The following NXPH1 variants were observed in gnomAD, a reference collection of about 807,000 sequenced individuals.
NXPH1 encodes neurexophilin 1, also known as neurexophilin-1.
In NXPH1, 5 loss-of-function variants were observed where a neutral mutation model predicts 23.7. The observed-to-expected ratio is 0.21, with a 90% CI of 0.11 to 0.44. The LOEUF (loss-of-function observed/expected upper bound fraction) is 0.44. NXPH1 is among the 20% of genes least tolerant of loss of function. The probability of loss-of-function intolerance (pLI) is 0.99; values close to 1 mark genes in which losing one functional copy is unlikely to be tolerated. For missense variants in NXPH1, 324 were observed against 321.6 expected (o/e 1.01, Z -0.06); for synonymous variants, 144 against 122.2 (o/e 1.18, Z -1.18).
intron 2 of NXPH1, among the ~76,000 whole-genome samples, chr7:8,478,076 CA>C (rs559689358): frequency 9.9e-5 from 15 of 152,152 alleles, no homozygotes; most frequent in African/African-American, 3.1e-4. Flanking sequence ...TGCATGATGA[CA>C]AGGAGACATT....
chr7:8,635,950 C>A (rs984926493), intron 2 of NXPH1, among the ~76,000 whole-genome samples: 1 of 152,084 alleles, frequency 6.6e-6, no homozygotes, highest in African/African-American at 2.4e-5. Flanking sequence ...GAGAAAGAAT[C>A]CAGGAAATAT....
rs142018413 is a variant in NXPH1, at chr7:8,482,550, C to T, written c.54+46783C>T. Among the ~76,000 whole-genome samples, 226 of 152,244 alleles carry T rather than the reference C, an allele frequency of 1.5e-3. 1 individual carries two copies. The highest frequency in any genetic ancestry group is 5.2e-3 in the African/African-American group (218 of 41,552). On this transcript the variant is annotated intron_variant, in intron 2 of 2. Coordinates refer to ENST00000405863, the MANE Select transcript of NXPH1 (RefSeq NM_152745.3). ...AGGATTCAAGTCTCAGCATTTCAACCTTTTTCTCTCTCTGGACTGTTCTCT... is the reference window on the plus strand; with the variant it reads ...AGGATTCAAGTCTCAGCATTTCAACTTTTTTCTCTCTCTGGACTGTTCTCT...
intron 2 of NXPH1, among the ~76,000 whole-genome samples, chr7:8,696,533 T>C (rs192381025): frequency 2.9e-4 from 44 of 152,250 alleles, no homozygotes; most frequent in Non-Finnish European, 5.9e-5. Flanking sequence ...TCTCTGGGGA[T>C]ATAACTTTTT....
chr7:8,498,422 T>C (rs1002349214), intron 2 of NXPH1, among the ~76,000 whole-genome samples: 31 of 152,150 alleles, frequency 2.0e-4, no homozygotes, highest in Middle Eastern at 3.4e-3. Flanking sequence ...TGACTACTGG[T>C]TTATCAGTCC....
intron 2 of NXPH1, among the ~76,000 whole-genome samples, chr7:8,525,441 A>G (rs913523525): frequency 6.6e-6 from 1 of 152,176 alleles, no homozygotes; most frequent in African/African-American, 2.4e-5. Context: ...ATGAGGAGAA[A>G]TTCAAGCTGG....
intron 2 of NXPH1, among the ~76,000 whole-genome samples, chr7:8,633,443 G>C (rs186560983): frequency 1.3e-5 from 2 of 152,308 alleles, no homozygotes; most frequent in African/African-American, 2.4e-5. Flanking sequence ...CCTTGTTGAT[G>C]ATCTCACAAT....
intron 2 of NXPH1, among the ~76,000 whole-genome samples, chr7:8,743,174 G>C (rs1184675307): frequency 6.6e-6 from 1 of 151,882 alleles, no homozygotes; most frequent in Non-Finnish European, 1.5e-5. Flanking sequence ...AATGTTGCTT[G>C]AGCAATAGTT....
intron 2 of NXPH1, among the ~76,000 whole-genome samples, chr7:8,472,310 C>A (rs1018553158): frequency 5.3e-5 from 8 of 152,128 alleles, no homozygotes; most frequent in African/African-American, 1.9e-4. Flanking sequence ...CTCTAAGGCC[C>A]TTCTAAAATT....
At chr7:8,473,431 T>C (rs755439370) in intron 2 of NXPH1, among the ~76,000 whole-genome samples, 5 of 152,150 alleles carry the variant, frequency 3.3e-5, no homozygotes, top group Non-Finnish European at 5.9e-5. Context: ...TCAGCTGACA[T>C]TGCTAAGCTC....
intron 2 of NXPH1, among the ~76,000 whole-genome samples, chr7:8,507,550 CCTT>C (rs2128613439): frequency 6.6e-6 from 1 of 152,196 alleles, no homozygotes; most frequent in Non-Finnish European, 1.5e-5. Context: ...TAACATGAAT[CCTT>C]CTAGTAGTTC....
intron 2 of NXPH1, among the ~76,000 whole-genome samples, chr7:8,623,676 G>T (rs997677543): frequency 6.6e-6 from 1 of 151,892 alleles, no homozygotes; most frequent in Admixed American, 6.6e-5. Flanking sequence ...GTAAGAAAAA[G>T]TTCTTATTTT....
Position 8,501,925 on chromosome 7 carries a change from T to A in NXPH1, c.54+66158T>A, listed in dbSNP as rs182407618. 1.7e-3 allele frequency among the ~76,000 whole-genome samples: 257 copies of A among 152,190 alleles called. 2 individuals carry two copies. Among genetic ancestry groups the A allele is most frequent in the African/African-American group, 5.8e-3 (242 of 41,554 alleles). On this transcript the variant is annotated intron_variant, in intron 2 of 2. Transcript: ENST00000405863. ...CCCATCCAGTGGCCTACACAGATAT[T>A]CGAAAGTTGTCTTGGAATATTATAC...
intron 2 of NXPH1, among the ~76,000 whole-genome samples, chr7:8,747,022 G>A (rs557750787): frequency 2.0e-5 from 3 of 152,260 alleles, no homozygotes; most frequent in African/African-American, 7.2e-5. Flanking sequence ...GATGACAACA[G>A]CTAAGACGAC....
intron 2 of NXPH1, among the ~76,000 whole-genome samples, chr7:8,720,150 A>G (rs990436398): frequency 1.2e-4 from 9 of 72,086 alleles, no homozygotes; most frequent in African/African-American, 7.3e-4. Context: ...CTACTTGGTT[A>G]AGTGTCCATT....
intron 2 of NXPH1, among the ~76,000 whole-genome samples, chr7:8,750,791 C>T (rs1391891197): frequency 1.3e-5 from 2 of 151,948 alleles, no homozygotes; most frequent in Non-Finnish European, 2.9e-5. Flanking sequence ...AAAATATTGG[C>T]CAGATGCTGA....
chr7:8,625,750 G>A (rs1333047279), intron 2 of NXPH1, among the ~76,000 whole-genome samples: 1 of 152,088 alleles, frequency 6.6e-6, no homozygotes, highest in African/African-American at 2.4e-5. Context: ...GAGATAAAGA[G>A]TCTGAAATCC....
At chr7:8,470,020 T>G (rs1238039343) in intron 2 of NXPH1, among the ~76,000 whole-genome samples, 7 of 152,282 alleles carry the variant, frequency 4.6e-5, no homozygotes, top group South Asian at 2.1e-4. Flanking sequence ...ATCTTAACAT[T>G]GCATACATTA....
Position 8,751,190 on chromosome 7 carries a change from A to T in NXPH1, c.237A>T (p.Pro79=). 1 of 1,613,818 alleles carries T rather than the reference A, an allele frequency of 6.2e-7. No homozygotes were observed. Among genetic ancestry groups the T allele is most frequent in the Non-Finnish European group, 8.5e-7 (1 of 1,179,798 alleles). Residue 79 remains proline (P), a synonymous_variant, in exon 3 of 3, where the codon CCA becomes CCT. Transcript: ENST00000405863. The surrounding 1 kb of genome is among the most constrained non-coding windows in gnomAD (Gnocchi z 4.5). ...DTDLDLRYDT[P]EPYSEQDLWD... ...ATTTGGACCTGAGATATGACACCCC[A>T]GAACCTTATTCTGAGCAAGACCTCT...
chr7:8,511,009 A>G (rs954113729), intron 2 of NXPH1, among the ~76,000 whole-genome samples: 1 of 152,126 alleles, frequency 6.6e-6, no homozygotes, highest in African/African-American at 2.4e-5. Context: ...CCTTGGATCA[A>G]TAAAGGAGGG....
Sources: allele counts gnomAD v4.1 joint callset (sites outside exome capture counted in the v4.1 genomes callset), GRCh38; gene constraint gnomAD v4.1.1; non-coding constraint Gnocchi (gnomAD v3.1); transcripts MANE v1.5; gene names NCBI Gene and HGNC (gene_info 2026-07-23, HGNC 2026-07-21).